The following ADAMTS2 variants were observed in gnomAD, a reference collection of about 807,000 sequenced individuals.
ADAMTS2 encodes the protein ADAM metallopeptidase with thrombospondin type 1 motif 2.
ADAMTS2 carries 50 observed loss-of-function variants against 123.0 expected under a neutral mutation model. That is an observed-to-expected ratio of 0.41 (90% confidence interval 0.32 to 0.51). ADAMTS2 has a LOEUF of 0.51. Ranked by LOEUF, ADAMTS2 falls within the 20% of genes least tolerant of loss-of-function variation. ADAMTS2 has a pLI of 0.35. For synonymous variants in ADAMTS2, 678 were observed against 695.4 expected (o/e 0.98, Z 0.39); for missense variants, 1,494 against 1,705.2 (o/e 0.88, Z 2.18).
At chr5:179,207,467 G>A (rs1208618308) in intron 4 of ADAMTS2, 46 bp downstream of exon 4, 1 of 1,547,350 alleles carries the variant, frequency 6.5e-7, no homozygotes, top group Non-Finnish European at 8.9e-7. Context: ...CCAGCCCCTG[G>A]TTGACCCTCC....
rs532556596 is a variant in ADAMTS2, at chr5:179,279,072, T to C, written c.535-6008A>G. Reference sequence around the variant, plus strand: ...CTGCAGAGCACCCAGGCTGGCTGGTTCCCACTGCCCCTTCCCATGGAAGCC... The same window carrying C: ...CTGCAGAGCACCCAGGCTGGCTGGTCCCCACTGCCCCTTCCCATGGAAGCC... On this transcript the variant is annotated intron_variant, in intron 2 of 21. Coordinates refer to ENST00000251582, the MANE Select transcript of ADAMTS2 (RefSeq NM_014244.5). Among the ~76,000 whole-genome samples, 20 of 152,136 alleles carry C rather than the reference T, an allele frequency of 1.3e-4. 1 individual carries two copies. In the South Asian group the frequency reaches 3.3e-3, roughly 25 times the overall value.
rs147604643 is a variant in ADAMTS2 at position 179,290,022 on chromosome 5, G to A, written c.535-16958C>T. Among the ~76,000 whole-genome samples the A allele has an allele frequency of 1.5e-3, 229 of 152,308 alleles. 1 individual carries two copies. The highest frequency in any genetic ancestry group is 0.013 in the South Asian group (65 of 4,826). On this transcript the variant is annotated intron_variant, in intron 2 of 21. Coordinates refer to ENST00000251582, the MANE Select transcript of ADAMTS2 (RefSeq NM_014244.5). ...TGAACCAGACAACCGACATGAGTCG[G>A]AAGACTGACAAAATTCAGTGCAGTC...
At chr5:179,124,879 T>G in intron 19 of ADAMTS2, 94 bp downstream of exon 19, 1 of 1,512,038 alleles carries the variant, frequency 6.6e-7, no homozygotes, top group Non-Finnish European at 8.9e-7. Flanking sequence ...GTGGTGGTGT[T>G]GTGTAGCGGC....
Position 179,260,328 on chromosome 5 carries a change from C to A in ADAMTS2, c.688+12583G>T, listed in dbSNP as rs567556062. 4.5e-4 allele frequency among the ~76,000 whole-genome samples: 69 copies of A among 152,348 alleles called. 3 individuals are homozygous for A. The South Asian group carries it at 0.013, about 30-fold the overall frequency. On this transcript the variant is annotated intron_variant, in intron 3 of 21. Transcript: ENST00000251582. This position sits in a 1 kb window ranked among gnomAD's most constrained non-coding sequence, Gnocchi z 4.2. ...CTTTTCACGGATATTTACGCACCAA[C>A]CGTGTGCCAGGCATTCCTCAAAATG... is the stretch of plus-strand genomic sequence containing the variant.
intron 3 of ADAMTS2, among the ~76,000 whole-genome samples, chr5:179,259,893 G>A (rs1183893425): frequency 6.6e-6 from 1 of 152,224 alleles, no homozygotes; most frequent in African/African-American, 2.4e-5. Flanking sequence ...GGAGGAAGCA[G>A]AGTCACAGAA....
rs138107807 is a variant in ADAMTS2, at chr5:179,278,149, C to T, written c.535-5085G>A. ...CCCGAGACCAAAGGCTGACCCCCCG[C>T]GAGACCAAAGGCTGACCCCCCCGAG... On this transcript the variant is annotated intron_variant, in intron 2 of 21. Transcript: ENST00000251582. Among the ~76,000 whole-genome samples, 247 of 58,012 alleles carry T rather than the reference C, an allele frequency of 4.3e-3. 5 individuals carry two copies. The highest frequency in any genetic ancestry group is 0.017 in the African/African-American group (204 of 11,998). 38.1% of individuals were successfully genotyped at this position (58,012 alleles called of 152,430 possible).
chr5:179,145,781 C>A (rs1381326006), intron 10 of ADAMTS2, among the ~76,000 whole-genome samples: 2 of 152,122 alleles, frequency 1.3e-5, no homozygotes, highest in Non-Finnish European at 2.9e-5. Flanking sequence ...AATGTTCCAG[C>A]GCTTGTTTGT....
Position 179,303,645 on chromosome 5 carries a change from ATTTCC to A in ADAMTS2, c.535-30586_535-30582del, listed in dbSNP as rs1323586776. Among the ~76,000 whole-genome samples, 1 of 152,110 alleles carries A rather than the reference ATTTCC, an allele frequency of 6.6e-6. No homozygotes were observed. The highest frequency in any genetic ancestry group is 1.5e-5 in the Non-Finnish European group (1 of 68,026). On this transcript the variant is annotated intron_variant, in intron 2 of 21. Coordinates refer to ENST00000251582, the MANE Select transcript of ADAMTS2 (RefSeq NM_014244.5). The surrounding 1 kb of genome is among the most constrained non-coding windows in gnomAD (Gnocchi z 4.7). The stretch of plus-strand genomic sequence containing the variant: ...AGCCAACACCTCATTTTTCTTTCCT[ATTTCC>A]TTTTTCTTTTCTTCGTGTTCTCACA...
At chr5:179,230,311 G>A (rs1765379109) in intron 3 of ADAMTS2, among the ~76,000 whole-genome samples, 1 of 152,164 alleles carries the variant, frequency 6.6e-6, no homozygotes, top group Non-Finnish European at 1.5e-5. Flanking sequence ...ACATCCCAGG[G>A]CCTGCAGGCT....
chr5:179,126,607 G>A (rs1205581693), intron 17 of ADAMTS2, among the ~76,000 whole-genome samples: 1 of 152,238 alleles, frequency 6.6e-6, no homozygotes, highest in African/African-American at 2.4e-5. Flanking sequence ...ACTGGGGGAA[G>A]GGGTGCTACT....
chr5:179,216,610 C>T (rs1054145712), intron 3 of ADAMTS2, among the ~76,000 whole-genome samples: 3 of 152,236 alleles, frequency 2.0e-5, no homozygotes, highest in African/African-American at 7.2e-5. Flanking sequence ...CCAGGAGGGG[C>T]CTTGTCAGTT....
In ADAMTS2 at chr5:179,275,536, C is replaced by T. The variant is rs188735147; in HGVS notation, c.535-2472G>A. Among the ~76,000 whole-genome samples, 57 of 152,256 alleles carry T rather than the reference C, an allele frequency of 3.7e-4. 1 individual carries two copies. Among genetic ancestry groups the T allele is most frequent in the African/African-American group, 1.3e-3 (54 of 41,560 alleles). On this transcript the variant is annotated intron_variant, in intron 2 of 21. Coordinates refer to ENST00000251582, the MANE Select transcript of ADAMTS2 (RefSeq NM_014244.5). The stretch of plus-strand genomic sequence containing the variant: ...GGCTGGGCCCTGAATGCAGTCCTTG[C>T]CCACTTCCTTATGCCGGGGAGTGGA...
At chr5:179,213,080 G>A (rs1039332492) in intron 3 of ADAMTS2, among the ~76,000 whole-genome samples, 1 of 152,078 alleles carries the variant, frequency 6.6e-6, no homozygotes, top group African/African-American at 2.4e-5. Context: ...GTGCCACTAG[G>A]GGACGACAGG....
chr5:179,205,926 C>T (rs1306823191), intron 4 of ADAMTS2, among the ~76,000 whole-genome samples: 2 of 152,120 alleles, frequency 1.3e-5, no homozygotes, highest in African/African-American at 2.4e-5. Flanking sequence ...CGCCCGCCAC[C>T]ACGCCCGGCT....
chr5:179,209,381 G>A (rs960649311), intron 3 of ADAMTS2, among the ~76,000 whole-genome samples: 5 of 152,192 alleles, frequency 3.3e-5, no homozygotes, highest in Admixed American at 6.5e-5. Context: ...GTGGAGGTGC[G>A]AGGCGGAGGG....
chr5:179,126,272 G>T, intron 17 of ADAMTS2, 142 bp from the exon 18 acceptor site: 2 of 1,243,456 alleles, frequency 1.6e-6, no homozygotes, highest in Non-Finnish European at 1.1e-6. Flanking sequence ...AGGGCACCGA[G>T]CCTGCGGCTG....
chr5:179,334,022 A>T (rs1757546109), intron 2 of ADAMTS2, among the ~76,000 whole-genome samples: 1 of 152,240 alleles, frequency 6.6e-6, no homozygotes, highest in South Asian at 2.1e-4. Context: ...ACCTCAGAGC[A>T]GCGGGCAAAG....
rs1757917963 is a variant in ADAMTS2, at chr5:179,345,308, G to A, written c.21C>T (p.Ala7=). The change falls in exon 1 of 22, where the codon GCC becomes GCT. Residue 7 remains alanine (A), a synonymous_variant. Transcript: ENST00000251582. The surrounding 1 kb of genome is among the most constrained non-coding windows in gnomAD (Gnocchi z 7.5). MDPPAG[A]ARRLLCPALL... The stretch of plus-strand genomic sequence containing the variant: ...GCGCGGGGCAGAGCAGGCGGCGAGC[G>A]GCTCCCGCCGGCGGATCCATGGCAG... 1 of 1,134,090 alleles carries A rather than the reference G, an allele frequency of 8.8e-7. No individual in the cohort carries two copies. The allele number at this position is 1,134,090 out of a possible 1,614,324, so 70.3% of individuals were successfully genotyped here.
chr5:179,139,361 CAGG>C (rs1384554429), intron 11 of ADAMTS2, among the ~76,000 whole-genome samples: 1 of 151,812 alleles, frequency 6.6e-6, no homozygotes, highest in Non-Finnish European at 1.5e-5. Flanking sequence ...TGAGAAGGGG[CAGG>C]AGGACAGCAC....
Sources: gnomAD v4.1 joint callset for allele counts (sites outside exome capture counted in the v4.1 genomes callset) on GRCh38, gnomAD v4.1.1 for gene constraint, Gnocchi (gnomAD v3.1) non-coding constraint, MANE v1.5 for transcripts, NCBI Gene and HGNC (gene_info 2026-07-23, HGNC 2026-07-21) for gene names.